The following STAC variants were observed in gnomAD, a reference collection of about 807,000 sequenced individuals.
The protein encoded by STAC is SH3 and cysteine-rich domain-containing protein.
A neutral mutation model predicts 48.8 loss-of-function variants in STAC; 43 were observed. The ratio of observed to expected loss-of-function variants is 0.88; its 90% CI spans 0.69 to 1.14. The LOEUF is 1.14. Among genes scored for constraint, STAC ranks in the 50% most tolerant of loss-of-function variants. The pLI is 0.00. For synonymous variants in STAC, 193 were observed against 179.5 expected, an observed-to-expected ratio of 1.07 and a Z score of -0.60; for missense variants, 497 against 504.0, an observed-to-expected ratio of 0.99 and a Z score of 0.13.
intron 6 of STAC, among the ~76,000 whole-genome samples, chr3:36,504,097 C>T (rs966425099): frequency 7.2e-5 from 11 of 152,188 alleles, no homozygotes; most frequent in Admixed American, 5.2e-4. Flanking sequence ...GGTACACTAC[C>T]AAATGAGATC....
intron 10 of STAC, among the ~76,000 whole-genome samples, chr3:36,531,873 G>T (rs534501556): frequency 6.6e-6 from 1 of 152,286 alleles, no homozygotes; most frequent in East Asian, 1.9e-4. Context: ...CATCTTAAAT[G>T]ATCATAAACC....
rs189551937 is a variant in STAC, at chr3:36,480,776, C to T, written c.389-2216C>T. On this transcript the variant is annotated intron_variant, in intron 2 of 10. Transcript: ENST00000273183. ...TGCATCGTTGATTAATCAACTTCCA[C>T]GAATTATCTCAAACCAGCCACCACT... 1.2e-3 allele frequency among the ~76,000 whole-genome samples: 183 copies of T among 152,238 alleles called. 1 individual carries two copies. Among genetic ancestry groups the T allele is most frequent in the African/African-American group, 3.4e-3 (142 of 41,558 alleles).
Position 36,504,406 on chromosome 3 carries a change from A to G in STAC, c.780A>G (p.Pro260=), listed in dbSNP as rs201662677. The G allele has an allele frequency of 5.0e-6, 8 of 1,613,174 alleles. No individual in the cohort carries two copies. The highest frequency in any genetic ancestry group is 6.8e-6 in the Non-Finnish European group (8 of 1,179,448). ...TGTCTCCTTCAGTGTTTACATATCC[A>G]GAAAATGGCACTGATGATTTCAGAG... The part of the protein sequence containing the change: ...RKRSNSVFTY[P]ENGTDDFRDP... Residue 260 remains proline (P), a synonymous_variant, in exon 7 of 11, where the codon CCA becomes CCG. Transcript: ENST00000273183.
chr3:36,416,375 A>T (rs969286205), intron 1 of STAC, among the ~76,000 whole-genome samples: 3 of 152,176 alleles, frequency 2.0e-5, no homozygotes, highest in African/African-American at 4.8e-5. Flanking sequence ...TAGGAGGCTG[A>T]GGTGGGAGGA....
rs145890411 is a variant in STAC, at chr3:36,474,783, G to T, written c.389-8209G>T. ...AGTTATCTATTATCCCTACTTCCCTGTTATAATAATATTTTAACTATAAAA... is the reference window on the plus strand; with the variant it reads ...AGTTATCTATTATCCCTACTTCCCTTTTATAATAATATTTTAACTATAAAA... On this transcript the variant is annotated intron_variant, in intron 2 of 10. Coordinates refer to ENST00000273183, the MANE Select transcript of STAC (RefSeq NM_003149.3). Among the ~76,000 whole-genome samples, 790 of 152,202 alleles carry T rather than the reference G, an allele frequency of 5.2e-3. 7 individuals are homozygous for T. Among genetic ancestry groups the T allele is most frequent in the African/African-American group, 0.018 (755 of 41,526 alleles).
At chr3:36,496,647 G>A (rs916099325) in intron 6 of STAC, among the ~76,000 whole-genome samples, 1 of 152,186 alleles carries the variant, frequency 6.6e-6, no homozygotes, top group African/African-American at 2.4e-5. Context: ...ATTTATGGTT[G>A]TTGTTTTGAA....
intron 2 of STAC, among the ~76,000 whole-genome samples, chr3:36,452,937 C>T (rs560218072): frequency 6.6e-6 from 1 of 152,354 alleles, no homozygotes; most frequent in Admixed American, 6.5e-5. Context: ...CCTTCTGGTG[C>T]TCTCCCTGGC....
chr3:36,478,736 C>T (rs1313668501), intron 2 of STAC, among the ~76,000 whole-genome samples: 2 of 152,138 alleles, frequency 1.3e-5, no homozygotes, highest in Non-Finnish European at 2.9e-5. Context: ...GATCTGCCCA[C>T]CTCAGCTTCC....
chr3:36,480,439 T>C (rs1697611902), intron 2 of STAC, among the ~76,000 whole-genome samples: 1 of 152,208 alleles, frequency 6.6e-6, no homozygotes, highest in Non-Finnish European at 1.5e-5. Context: ...TCAGGTAACA[T>C]ACCTCCTGAA....
At chr3:36,484,772 G>GTGTAACT (rs1697755834) in intron 3 of STAC, among the ~76,000 whole-genome samples, 1 of 152,324 alleles carries the variant, frequency 6.6e-6, no homozygotes, top group Middle Eastern at 3.4e-3. Context: ...TCTGGATAGA[G>GTGTAACT]TGTAACTTGC....
At position 36,380,575 on chromosome 3, in the gene STAC, G is replaced by A. The variant is rs1222624339; in HGVS notation, c.-69G>A. Reference sequence around the variant, plus strand: ...GGAGCTGAGCAGCCTGGCGCGCGGCGGGCAGGGCGCGCAGGACAGAAGCCT... The same window carrying A: ...GGAGCTGAGCAGCCTGGCGCGCGGCAGGCAGGGCGCGCAGGACAGAAGCCT... On this transcript the variant is annotated 5_prime_UTR_variant, in exon 1 of 11. Transcript: ENST00000273183. The A allele has an allele frequency of 3.1e-6, 4 of 1,300,134 alleles. No homozygotes were observed. Among genetic ancestry groups the A allele is most frequent in the African/African-American group, 1.5e-5 (1 of 66,968 alleles). The allele number at this position is 1,300,134 out of a possible 1,614,324, so 80.5% of individuals were successfully genotyped here. A position where few individuals can be genotyped will look rare whatever the true frequency, so the allele number is the denominator to read the frequency against.
At chr3:36,405,552 C>G (rs1369852253) in intron 1 of STAC, among the ~76,000 whole-genome samples, 2 of 152,162 alleles carry the variant, frequency 1.3e-5, no homozygotes, top group Non-Finnish European at 2.9e-5. Context: ...TCCCCAGATA[C>G]ACAACTGATC....
At chr3:36,508,019 C>T (rs1418644170) in intron 8 of STAC, among the ~76,000 whole-genome samples, 1 of 152,028 alleles carries the variant, frequency 6.6e-6, no homozygotes, top group East Asian at 1.9e-4. Context: ...GTTAGGGTAT[C>T]GATTTTAGAT....
intron 5 of STAC, among the ~76,000 whole-genome samples, chr3:36,492,067 T>TATATATATAG (rs1698001562): frequency 1.0e-5 from 1 of 97,446 alleles, no homozygotes; most frequent in African/African-American, 3.9e-5. Context: ...TATATATATA[T>TATATATATAG]GTGACTGTCC....
At chr3:36,441,856 A>G (rs1696359140) in intron 1 of STAC, among the ~76,000 whole-genome samples, 1 of 152,080 alleles carries the variant, frequency 6.6e-6, no homozygotes, top group Admixed American at 6.6e-5. Context: ...CTTTTAAAAT[A>G]TATTTGTCAG....
In STAC at chr3:36,547,206, C is replaced by T. The variant is rs867758164; in HGVS notation, c.*917C>T. The T allele has an allele frequency of 6.6e-6, 1 of 152,254 alleles. No homozygotes were observed. The highest frequency in any genetic ancestry group is 6.5e-5 in the Admixed American group (1 of 15,278). The allele number at this position is 152,254 out of a possible 1,614,324, so 9.4% of individuals were successfully genotyped here. ...CTCTCTATTGGAGGCAGCACTTTTC[C>T]CTCATGCTGTCCTATAGGACTCCAC... On this transcript the variant is annotated 3_prime_UTR_variant, in exon 11 of 11. Coordinates refer to ENST00000273183, the MANE Select transcript of STAC (RefSeq NM_003149.3).
At chr3:36,433,503 T>C (rs1221151025) in intron 1 of STAC, among the ~76,000 whole-genome samples, 4 of 152,352 alleles carry the variant, frequency 2.6e-5, no homozygotes, top group Middle Eastern at 3.4e-3. Flanking sequence ...TCAGCCTCCA[T>C]TGATAGCTCC....
chr3:36,468,839 A>G (rs1413118998), intron 2 of STAC, among the ~76,000 whole-genome samples: 1 of 150,696 alleles, frequency 6.6e-6, no homozygotes, highest in Non-Finnish European at 1.5e-5. Flanking sequence ...TCATTATATA[A>G]TGTTCCTCTT....
In STAC at chr3:36,398,659, AGGAAGGAAG is replaced by A. The variant is rs1559477558; in HGVS notation, c.111+17907_111+17915del. The stretch of plus-strand genomic sequence containing the variant: ...GAAAGAAAGAAAGAAAGAGAAAGAA[AGGAAGGAAG>A]GAAGGAAAGAAAGAAAGAAAGAAAA... On this transcript the variant is annotated intron_variant, in intron 1 of 10. Transcript: ENST00000273183. Among the ~76,000 whole-genome samples, 10 of 142,524 alleles carry A rather than the reference AGGAAGGAAG, an allele frequency of 7.0e-5. 1 individual carries two copies. The highest frequency in any genetic ancestry group is 1.1e-4 in the Non-Finnish European group (7 of 64,952). The allele number at this position is 142,524 out of a possible 152,430, so 93.5% of individuals were successfully genotyped here.
Sources: allele counts gnomAD v4.1 joint callset (sites outside exome capture counted in the v4.1 genomes callset), GRCh38; gene constraint gnomAD v4.1.1; transcripts MANE v1.5; gene names NCBI Gene and HGNC (gene_info 2026-07-23, HGNC 2026-07-21).